The following NRXN1 variants were observed in gnomAD, a reference collection of about 807,000 sequenced individuals.
NRXN1 encodes neurexin 1, also known as neurexin-1.
A neutral mutation model predicts 150.9 loss-of-function variants in NRXN1; 39 were observed. The ratio of observed to expected loss-of-function variants is 0.26; its 90% CI spans 0.20 to 0.34. The LOEUF (loss-of-function observed/expected upper bound fraction) is 0.34, where lower values mean the gene tolerates loss of function less well. Among genes scored for constraint, NRXN1 ranks in the 10% least tolerant of loss-of-function variants. The probability of loss-of-function intolerance (pLI) is 1.00; values close to 1 mark genes in which losing one functional copy is unlikely to be tolerated. For missense variants in NRXN1, 1,815 were observed against 1,949.9 expected (o/e 0.93, Z 1.30); for synonymous variants, 924 against 757.0 (o/e 1.22, Z -3.62).
intron 5 of NRXN1, among the ~76,000 whole-genome samples, chr2:50,654,122 T>G (rs889451272): frequency 1.3e-5 from 2 of 149,886 alleles, no homozygotes; most frequent in African/African-American, 4.9e-5. Context: ...GTTGGTGTGC[T>G]GCACCCATTA....
At chr2:50,135,946 T>G (rs1357530628) in intron 18 of NRXN1, among the ~76,000 whole-genome samples, 1 of 152,218 alleles carries the variant, frequency 6.6e-6, no homozygotes, top group Non-Finnish European at 1.5e-5. Flanking sequence ...TGTCTCATTT[T>G]CATGTAGATG....
chr2:50,509,631 T>C (rs1024504666), intron 12 of NRXN1, among the ~76,000 whole-genome samples: 6 of 152,220 alleles, frequency 3.9e-5, no homozygotes, highest in Non-Finnish European at 8.8e-5. Context: ...TAAAGAAAGA[T>C]GGTTTAACTG....
In NRXN1 at chr2:50,711,353, G is replaced by A. The variant is rs1432938123; in HGVS notation, c.833-87738C>T. ...ACTTTTTTTTTTTTTTTTTTTTTTT[G>A]AGACAGAGTTTTGCTCTTGTTGTCC... On this transcript the variant is annotated intron_variant, in intron 5 of 22. Coordinates refer to ENST00000401669, the MANE Select transcript of NRXN1 (RefSeq NM_001330078.2). 8.8e-5 allele frequency among the ~76,000 whole-genome samples: 3 copies of A among 34,148 alleles called. No homozygotes were observed. In the Admixed American group the frequency reaches 9.1e-4, roughly 10 times the overall value. 22.4% of individuals were successfully genotyped at this position (34,148 alleles called of 152,430 possible).
chr2:50,384,379 G>A (rs574598597), intron 17 of NRXN1, among the ~76,000 whole-genome samples: 4 of 151,808 alleles, frequency 2.6e-5, no homozygotes, highest in Admixed American at 6.6e-5. Flanking sequence ...GGTTGTATGC[G>A]CCTGTAGTCC....
chr2:50,384,406 T>C (rs1002419857), intron 17 of NRXN1, among the ~76,000 whole-genome samples: 1 of 146,104 alleles, frequency 6.8e-6, no homozygotes, highest in African/African-American at 2.5e-5. Context: ...CTTGGGAGGC[T>C]AAGGCAGGCG....
intron 21 of NRXN1, among the ~76,000 whole-genome samples, chr2:49,968,219 A>G (rs542732859): frequency 6.6e-6 from 1 of 152,204 alleles, no homozygotes; most frequent in East Asian, 1.9e-4. Context: ...GCAATTTATA[A>G]GAACGCTCAA....
intron 2 of NRXN1, among the ~76,000 whole-genome samples, chr2:51,002,096 A>T (rs2105099084): frequency 6.6e-6 from 1 of 152,128 alleles, no homozygotes; most frequent in Admixed American, 6.6e-5. Flanking sequence ...AGCACAAAAT[A>T]CACAGGTTTA....
At chr2:50,021,839 T>C (rs1687617383) in intron 21 of NRXN1, among the ~76,000 whole-genome samples, 1 of 152,144 alleles carries the variant, frequency 6.6e-6, no homozygotes, top group Non-Finnish European at 1.5e-5. Flanking sequence ...ACAACATATA[T>C]GTTAATGGTA....
At chr2:50,577,721 C>T (rs1049235389) in intron 8 of NRXN1, among the ~76,000 whole-genome samples, 69 of 151,980 alleles carry the variant, frequency 4.5e-4, no homozygotes, top group African/African-American at 1.5e-3. Context: ...CACACACACA[C>T]ACACACACAC....
In NRXN1 at chr2:50,698,891, T is replaced by C. The variant is rs565664214; in HGVS notation, c.833-75276A>G. Among the ~76,000 whole-genome samples, 9 of 152,344 alleles carry C rather than the reference T, an allele frequency of 5.9e-5. No individual in the cohort carries two copies. The South Asian group carries it at 1.4e-3, about 25-fold the overall frequency. On this transcript the variant is annotated intron_variant, in intron 5 of 22. Coordinates refer to ENST00000401669, the MANE Select transcript of NRXN1 (RefSeq NM_001330078.2). ...CCATGTTTGAAGTACACTTTAAAGC[T>C]GTCCAAAGTAGTCTTTTCCATGAAA... is the stretch of plus-strand genomic sequence containing the variant.
intron 15 of NRXN1, among the ~76,000 whole-genome samples, chr2:50,487,484 A>T (rs1032038952): frequency 3.9e-5 from 6 of 152,182 alleles, no homozygotes; most frequent in African/African-American, 1.4e-4. Flanking sequence ...TAGTGCATGA[A>T]AATAAAGAGC....
chr2:50,834,939 T>C (rs1180815360), intron 5 of NRXN1, among the ~76,000 whole-genome samples: 1 of 152,186 alleles, frequency 6.6e-6, no homozygotes, highest in Non-Finnish European at 1.5e-5. Flanking sequence ...CTTAGCCTAC[T>C]TTTGTGTCAT....
chr2:50,953,635 C>T (rs576088822), intron 2 of NRXN1, among the ~76,000 whole-genome samples: 2 of 151,246 alleles, frequency 1.3e-5, no homozygotes, highest in Non-Finnish European at 2.9e-5. Flanking sequence ...CGGCTCACTG[C>T]AACATCTGCC....
chr2:50,994,742 G>GT (rs752987619), intron 2 of NRXN1, among the ~76,000 whole-genome samples: 1 of 151,932 alleles, frequency 6.6e-6, no homozygotes, highest in Non-Finnish European at 1.5e-5. Flanking sequence ...ACACATCTGA[G>GT]TTTTTTAAAA....
intron 17 of NRXN1, among the ~76,000 whole-genome samples, chr2:50,451,858 C>A (rs569136170): frequency 6.6e-6 from 1 of 152,158 alleles, no homozygotes; most frequent in African/African-American, 2.4e-5. Flanking sequence ...TTTAACATAT[C>A]AAATCCTAGT....
At chr2:50,931,418 G>A (rs959911300) in intron 2 of NRXN1, among the ~76,000 whole-genome samples, 1 of 152,000 alleles carries the variant, frequency 6.6e-6, no homozygotes, top group African/African-American at 2.4e-5. Context: ...TCTTAAGTTT[G>A]ATGCTTAAAA....
chr2:50,353,342 C>A (rs1214195892), intron 17 of NRXN1, among the ~76,000 whole-genome samples: 1 of 152,128 alleles, frequency 6.6e-6, no homozygotes. Flanking sequence ...CTTTTAATCA[C>A]TGTCAGCTTA....
At chr2:50,176,133 A>C in intron 18 of NRXN1, among the ~76,000 whole-genome samples, 1 of 152,150 alleles carries the variant, frequency 6.6e-6, no homozygotes, top group East Asian at 1.9e-4. Context: ...AAGAATTAAA[A>C]GGTTTTCATC....
At chr2:50,946,384 T>G (rs931167589) in intron 2 of NRXN1, among the ~76,000 whole-genome samples, 1 of 152,168 alleles carries the variant, frequency 6.6e-6, no homozygotes, top group Non-Finnish European at 1.5e-5. Context: ...CTGCATAAAC[T>G]GTGCACCTTT....
Sources: allele counts gnomAD v4.1 joint callset (sites outside exome capture counted in the v4.1 genomes callset), GRCh38; gene constraint gnomAD v4.1.1; transcripts MANE v1.5; gene names NCBI Gene and HGNC (gene_info 2026-07-23, HGNC 2026-07-21).